CDH5: variants seen among roughly 807,000 people sequenced by gnomAD.
The protein encoded by CDH5 is cadherin 5.
CDH5 carries 28 observed loss-of-function variants against 62.0 expected under a neutral mutation model. That is an observed-to-expected ratio of 0.45 (90% CI 0.33 to 0.62). The LOEUF (loss-of-function observed/expected upper bound fraction) is 0.62. Ranked by LOEUF, CDH5 falls within the 20% of genes least tolerant of loss-of-function variation. The pLI is 0.02. For missense variants in CDH5, 940 were observed against 1,065.1 expected (o/e 0.88, Z 1.63); for synonymous variants, 464 against 445.8 (o/e 1.04, Z -0.52).
At chr16:66,386,402 G>A (rs1486407470) in intron 2 of CDH5, among the ~76,000 whole-genome samples, 1 of 152,062 alleles carries the variant, frequency 6.6e-6, no homozygotes. Flanking sequence ...TGGCCAATAG[G>A]TTATTTGTCT....
chr16:66,389,695 T>A (rs1961049328), intron 5 of CDH5, among the ~76,000 whole-genome samples, 173 bp downstream of exon 5: 1 of 152,032 alleles, frequency 6.6e-6, no homozygotes, highest in Admixed American at 6.5e-5. Flanking sequence ...TCCATCCCAA[T>A]ACCACATTCC....
chr16:66,386,902 G>A lies in CDH5; in HGVS notation c.304G>A (p.Val102Met). 2 of 1,614,224 alleles carry A rather than the reference G, an allele frequency of 1.2e-6. No individual in the cohort carries two copies. The highest frequency in any genetic ancestry group is 1.7e-6 in the Non-Finnish European group (2 of 1,180,044). The change falls in exon 3 of 12, where the codon GTG (valine) becomes ATG (methionine). Residue 102 changes from valine to methionine, a missense_variant. Coordinates refer to ENST00000341529, the MANE Select transcript of CDH5 (RefSeq NM_001795.5). The part of the protein sequence containing the change: ...VFRVDAETGD[V>M]FAIERLDREN... ...CCGGGTCGATGCAGAGACAGGAGAC[G>A]TGTTCGCCATTGAGAGGCTGGACCG...
intron 1 of CDH5, among the ~76,000 whole-genome samples, chr16:66,374,940 CT>C (rs1960758309): frequency 6.6e-6 from 1 of 152,050 alleles, no homozygotes; most frequent in African/African-American, 2.4e-5. Flanking sequence ...AATGCTATCC[CT>C]CCCCTCTCCC....
chr16:66,393,029 A>C (rs1336410688), intron 7 of CDH5: 4 of 152,294 alleles, frequency 2.6e-5, no homozygotes, highest in Admixed American at 2.6e-4. Context: ...ATCTTAACTA[A>C]ATTTCTCTTT....
At chr16:66,379,584 C>G (rs766743561) in intron 2 of CDH5, 37 bp downstream of exon 2, 1 of 1,582,126 alleles carries the variant, frequency 6.3e-7, no homozygotes. Context: ...AAGCCATCAG[C>G]AGCTGGCCCA....
At chr16:66,395,016 A>ATTTTTTTTT (rs1567467147) in intron 7 of CDH5, among the ~76,000 whole-genome samples, 1 of 19,950 alleles carries the variant, frequency 5.0e-5, no homozygotes, top group Non-Finnish European at 1.0e-4. Flanking sequence ...CACCAGGCTA[A>ATTTTTTTTT]TCTTTTTTTT....
intron 5 of CDH5, 111 bp downstream of exon 5, chr16:66,389,633 G>A (rs541354616): frequency 1.1e-6 from 1 of 940,658 alleles, no homozygotes; most frequent in East Asian, 3.0e-5. Context: ...CTCTATCCCA[G>A]GGTAGGCCTG....
chr16:66,387,514 C>G (rs1459859320), intron 3 of CDH5, among the ~76,000 whole-genome samples: 1 of 151,880 alleles, frequency 6.6e-6, no homozygotes, highest in Non-Finnish European at 1.5e-5. Flanking sequence ...CTGAGCCCTG[C>G]CCCTAGTCAT....
In CDH5 at chr16:66,403,200, C is replaced by CA; in HGVS notation, c.*34dup. 6.3e-7 allele frequency: 1 copy of CA among 1,578,880 alleles called. No homozygotes were observed. Among genetic ancestry groups the CA allele is most frequent in the South Asian group, 1.1e-5 (1 of 87,576 alleles). ...CGAGGTCACTCTGGGCCTGGGGACC[C>CA]AAACCCCCTGCAGCCCAGGCCAGTC... On this transcript the variant is annotated 3_prime_UTR_variant, in exon 12 of 12. Coordinates refer to ENST00000341529, the MANE Select transcript of CDH5 (RefSeq NM_001795.5). This position sits in a 1 kb window ranked among gnomAD's most constrained non-coding sequence, Gnocchi z 4.3.
At chr16:66,398,400 GACCACCCC>G (rs3841559) in intron 9 of CDH5, 48 bp from the exon 10 acceptor site, 423,367 of 1,144,012 alleles carry the variant, frequency 0.37, 80,760 homozygotes, top group East Asian at 0.52. Flanking sequence ...CTAAACCTCA[GACCACCCC>G]ACCACCCCAC....
intron 2 of CDH5, 129 bp from the exon 3 acceptor site, chr16:66,386,680 C>T (rs578147562): frequency 1.3e-6 from 1 of 749,690 alleles, no homozygotes; most frequent in Admixed American, 2.9e-5. Context: ...TATTTAGGGA[C>T]CCTGGCCAGC....
intron 7 of CDH5, 137 bp from the exon 8 acceptor site, chr16:66,395,922 A>AT: frequency 2.6e-6 from 2 of 774,680 alleles, no homozygotes; most frequent in South Asian, 2.0e-5. Context: ...TCTGAGTGGC[A>AT]GAGTGCAATG....
At chr16:66,376,772 T>G (rs1960795008) in intron 1 of CDH5, among the ~76,000 whole-genome samples, 1 of 152,188 alleles carries the variant, frequency 6.6e-6, no homozygotes, top group Non-Finnish European at 1.5e-5. Context: ...CCATTGTAAT[T>G]CCCTGAACAT....
At chr16:66,367,939 G>A (rs147475542) in intron 1 of CDH5, among the ~76,000 whole-genome samples, 66 of 152,258 alleles carry the variant, frequency 4.3e-4, no homozygotes, top group African/African-American at 1.3e-3. Flanking sequence ...GCACAGAGCC[G>A]ATCCTGGTTG....
In CDH5 at chr16:66,379,383, G is replaced by A; in HGVS notation, c.46G>A (p.Gly16Ser). The A allele has an allele frequency of 6.2e-7, 1 of 1,613,846 alleles. No homozygotes were observed. Among genetic ancestry groups the A allele is most frequent in the East Asian group, 2.2e-5 (1 of 44,872 alleles). The change falls in exon 2 of 12, where the codon GGC (glycine) becomes AGC (serine). Residue 16 changes from glycine to serine, a missense_variant. Gly to Ser is a moderately conservative substitution (Grantham distance 56). Coordinates refer to ENST00000341529, the MANE Select transcript of CDH5 (RefSeq NM_001795.5). ...CCTCGCCACATCGGGCGCCTGCCTG[G>A]GCCTGCTGGCAGTGGCAGCAGTGGC... ...MLLATSGACL[G>S]LLAVAAVAAA...
At chr16:66,384,249 G>A (rs1005062465) in intron 2 of CDH5, among the ~76,000 whole-genome samples, 2 of 74,286 alleles carry the variant, frequency 2.7e-5, no homozygotes, top group Non-Finnish European at 5.3e-5. Flanking sequence ...ACCACACCCA[G>A]CTAATTTTTT....
chr16:66,388,261 C>A, intron 3 of CDH5, 63 bp from the exon 4 acceptor site: 1 of 1,021,200 alleles, frequency 9.8e-7, no homozygotes, highest in Non-Finnish European at 1.6e-6. Context: ...CTGCTCTGTT[C>A]CAGGAATGGG....
Position 66,403,520 on chromosome 16 carries a change from G to T in CDH5, c.*351G>T, listed in dbSNP as rs1347072164. ...AACAGACTGTGTTTAACTGCTGCAG[G>T]GTCTTTTTCTAGGGTCCCTGAACGC... On this transcript the variant is annotated 3_prime_UTR_variant, in exon 12 of 12. Coordinates refer to ENST00000341529, the MANE Select transcript of CDH5 (RefSeq NM_001795.5). The surrounding 1 kb of genome is among the most constrained non-coding windows in gnomAD (Gnocchi z 4.3). The T allele has an allele frequency of 2.0e-5, 6 of 295,270 alleles. No individual in the cohort carries two copies. In the South Asian group the frequency reaches 2.1e-4, roughly 10 times the overall value. The allele number at this position is 295,270 out of a possible 1,614,324, so 18.3% of individuals were successfully genotyped here.
Position 66,396,163 on chromosome 16 carries a change from A to G in CDH5, c.1322A>G (p.Tyr441Cys). 10 of 1,614,242 alleles carry G rather than the reference A, an allele frequency of 6.2e-6. No homozygotes were observed. The highest frequency in any genetic ancestry group is 8.5e-6 in the Non-Finnish European group (10 of 1,180,032). Residue 441 changes from tyrosine (Y) to cysteine (C), a missense_variant, in exon 8 of 12, where the codon TAT becomes TGT. Transcript: ENST00000341529. ...KELDREVYPW[Y>C]NLTVEAKELD... ...CTGGACAGAGAAGTCTACCCCTGGT[A>G]TAACCTGACTGTGGAGGCCAAAGAA...
Sources: allele counts gnomAD v4.1 joint callset (sites outside exome capture counted in the v4.1 genomes callset), GRCh38; gene constraint gnomAD v4.1.1; non-coding constraint Gnocchi (gnomAD v3.1); transcripts MANE v1.5; gene names NCBI Gene and HGNC (gene_info 2026-07-23, HGNC 2026-07-21).